ACLY: variants seen among roughly 807,000 people sequenced by gnomAD.
The protein encoded by ACLY is ATP citrate lyase, also known as ATP-citrate synthase.
A neutral mutation model predicts 133.0 loss-of-function variants in ACLY; 41 were observed. The observed-to-expected ratio is 0.31, with a 90% confidence interval of 0.24 to 0.40. ACLY has a LOEUF of 0.40. ACLY is among the 10% of genes least tolerant of loss of function. The probability of loss-of-function intolerance (pLI) is 1.00; values close to 1 mark genes in which losing one functional copy is unlikely to be tolerated. For missense variants in ACLY, 1,046 were observed against 1,453.8 expected (o/e 0.72, Z 4.56); for synonymous variants, 495 against 549.3 (o/e 0.90, Z 1.38).
chr17:41,897,535 C>T (rs1476463491), intron 13 of ACLY, among the ~76,000 whole-genome samples: 8 of 152,092 alleles, frequency 5.3e-5, no homozygotes, highest in Non-Finnish European at 8.8e-5. Context: ...GGAGTTGAGG[C>T]GACCAGGCAC....
rs782162893 is a variant in ACLY at position 41,898,706 on chromosome 17, G to A, written c.1263C>T (p.His421=). 1.2e-6 allele frequency: 2 copies of A among 1,613,916 alleles called. No individual in the cohort carries two copies. Among genetic ancestry groups the A allele is most frequent in the East Asian group, 2.2e-5 (1 of 44,868 alleles). The change falls in exon 12 of 29, where the codon CAC becomes CAT. Residue 421 remains histidine (H), a synonymous_variant. Transcript: ENST00000352035. ...MTAIVGMALG[H]RPIPNQPPTA... is the part of the protein sequence containing the mutation. ...TGGGTGGCTGGTTGGGGATGGGCCG[G>A]TGGCCCAGGGCCATGCCCACAATGG...
intron 5 of ACLY, 49 bp downstream of exon 5, chr17:41,909,461 C>T (rs201391626): frequency 2.5e-6 from 4 of 1,586,230 alleles, no homozygotes; most frequent in Admixed American, 1.7e-5. Flanking sequence ...CAGAGCCTGT[C>T]GGTCTTCTCA....
Position 41,897,829 on chromosome 17 carries a change from G to C in ACLY, c.1349C>G (p.Pro450Arg), listed in dbSNP as rs782750636. The C allele has an allele frequency of 2.5e-6, 4 of 1,613,564 alleles. No homozygotes were observed. Among genetic ancestry groups the C allele is most frequent in the Non-Finnish European group, 2.5e-6 (3 of 1,179,752 alleles). The change falls in exon 13 of 29, where the codon CCC (proline) becomes CGC (arginine). Residue 450 changes from proline (P) to arginine (R), a missense_variant. Physicochemically the swap from Pro to Arg is moderately radical, Grantham distance 103. This residue lies in a region of ACLY where 575 missense variants were observed against 804.2 expected (regional missense o/e 0.71). Transcript: ENST00000352035. The stretch of plus-strand genomic sequence containing the variant: ...CTCAGAAAAAGATGCTGTCCTGCTG[G>C]GGGCTGGCGTCTGGGGTGAGATAAG... The part of the protein sequence containing the change: ...NASGSTSTPA[P>R]SRTASFSESR...
chr17:41,869,329 CTG>C, intron 26 of ACLY, 143 bp downstream of exon 26: 1 of 807,728 alleles, frequency 1.2e-6, no homozygotes, highest in Non-Finnish European at 2.0e-6. Flanking sequence ...TAGTGCATGT[CTG>C]TTAAATTTAG....
intron 1 of ACLY, among the ~76,000 whole-genome samples, chr17:41,929,671 T>C (rs1598062238): frequency 6.6e-6 from 1 of 152,190 alleles, no homozygotes; most frequent in South Asian, 2.1e-4. Context: ...TATTTTGAAT[T>C]AAACCTTTTG....
At chr17:41,930,039 A>G (rs1268303351) in intron 1 of ACLY, among the ~76,000 whole-genome samples, 6 of 152,188 alleles carry the variant, frequency 3.9e-5, no homozygotes, top group Non-Finnish European at 8.8e-5. Flanking sequence ...AGGAGTGGTG[A>G]TGGTGAGGGA....
chr17:41,927,700 C>A (rs1443470186), intron 1 of ACLY, among the ~76,000 whole-genome samples: 1 of 151,958 alleles, frequency 6.6e-6, no homozygotes, highest in Non-Finnish European at 1.5e-5. Context: ...GTGGTGCACA[C>A]CTGTAGTCCC....
At chr17:41,915,080 C>G (rs1337929864) in intron 1 of ACLY, among the ~76,000 whole-genome samples, 4 of 152,154 alleles carry the variant, frequency 2.6e-5, no homozygotes, top group Non-Finnish European at 5.9e-5. Flanking sequence ...AAAATCCACA[C>G]CAGCCCAAGA....
intron 8 of ACLY, 63 bp from the exon 9 acceptor site, chr17:41,905,721 G>A (rs2049695360): frequency 1.9e-6 from 3 of 1,603,138 alleles, no homozygotes; most frequent in Non-Finnish European, 2.6e-6. Context: ...GCAGCCTGGT[G>A]CCTGGGAGGA....
At chr17:41,922,206 A>C (rs1019451511), upstream of ACLY, among the ~76,000 whole-genome samples, 1 of 151,556 alleles carries the variant, frequency 6.6e-6, no homozygotes, top group Admixed American at 6.6e-5. Flanking sequence ...GTGAAACCCA[A>C]GCTCTACTAA....
chr17:41,911,113 A>G (rs573534177), intron 3 of ACLY, among the ~76,000 whole-genome samples: 10 of 152,334 alleles, frequency 6.6e-5, no homozygotes, highest in Admixed American at 5.9e-4. Flanking sequence ...GCCTGGGTCC[A>G]TGTGCAACTT....
intron 14 of ACLY, 123 bp from the exon 15 acceptor site, chr17:41,893,297 CG>C: frequency 8.0e-6 from 9 of 1,125,992 alleles, no homozygotes; most frequent in Non-Finnish European, 1.1e-5. Flanking sequence ...TCATCACAAC[CG>C]TAAAGGAATG....
intron 19 of ACLY, among the ~76,000 whole-genome samples, chr17:41,883,582 C>CTTTTTTTTTTTTTTTTTTTTTTTTT (rs139989311): frequency 1.1e-5 from 1 of 88,924 alleles, no homozygotes; most frequent in Non-Finnish European, 2.2e-5. Flanking sequence ...TTTTTTTTTG[C>CTTTTTTTTTTTTTTTTTTTTTTTTT]TTTTTTTTTT....
chr17:41,871,096 T>A (rs1406235328), intron 25 of ACLY, among the ~76,000 whole-genome samples: 2 of 152,234 alleles, frequency 1.3e-5, no homozygotes, highest in African/African-American at 2.4e-5. Flanking sequence ...CTTGGCCCTT[T>A]TACCCATAAG....
intron 2 of ACLY, among the ~76,000 whole-genome samples, chr17:41,913,058 C>G (rs1377995519): frequency 6.6e-6 from 1 of 152,186 alleles, no homozygotes; most frequent in Non-Finnish European, 1.5e-5. Flanking sequence ...CCCTCCATCC[C>G]TTTGTGGTTG....
chr17:41,872,482 C>T (rs1019156272), intron 23 of ACLY, among the ~76,000 whole-genome samples: 5 of 152,152 alleles, frequency 3.3e-5, no homozygotes, highest in African/African-American at 9.7e-5. Flanking sequence ...CGCACCACCA[C>T]GCCAGGCTAA....
intron 1 of ACLY, among the ~76,000 whole-genome samples, chr17:41,914,649 C>A (rs1298477927): frequency 2.0e-5 from 3 of 152,212 alleles, no homozygotes; most frequent in African/African-American, 7.2e-5. Context: ...CCCACTGCGT[C>A]ATCCAGCTGC....
rs1555630954 is a variant in ACLY at position 41,898,793 on chromosome 17, G to T, written c.1184-8C>A. The T allele has an allele frequency of 2.5e-6, 4 of 1,608,044 alleles. No homozygotes were observed. In the East Asian group the frequency reaches 8.9e-5, roughly 36 times the overall value. ...GGATCCCAGTGGTCTTCCCTGCAAG[G>T]GAAGGAAAAAAAAATCCATAATTCA... On this transcript the variant is annotated splice_polypyrimidine_tract_variant and splice_region_variant and intron_variant, in intron 11 of 28. Coordinates refer to ENST00000352035, the MANE Select transcript of ACLY (RefSeq NM_001096.3).
upstream of ACLY, among the ~76,000 whole-genome samples, chr17:41,922,919 C>A (rs1034369656): frequency 6.6e-6 from 1 of 152,224 alleles, no homozygotes. Flanking sequence ...CTGCCCCCAA[C>A]GCCCAGCCTC....
Sources: allele counts gnomAD v4.1 joint callset (sites outside exome capture counted in the v4.1 genomes callset), GRCh38; gene constraint gnomAD v4.1.1; regional missense constraint gnomAD v4.1.1; transcripts MANE v1.5; gene names NCBI Gene and HGNC (gene_info 2026-07-23, HGNC 2026-07-21).